CACNA2D3: variants seen among roughly 807,000 people sequenced by gnomAD.
CACNA2D3 encodes the protein calcium voltage-gated channel auxiliary subunit alpha2delta 3.
In CACNA2D3, 60 loss-of-function variants were observed where a neutral mutation model predicts 160.6. That is an observed-to-expected ratio of 0.37 (90% CI 0.30 to 0.46). The LOEUF is 0.46. CACNA2D3 is among the 20% of genes least tolerant of loss of function. The probability of loss-of-function intolerance (pLI) is 1.00; values close to 1 mark genes in which losing one functional copy is unlikely to be tolerated. For missense variants in CACNA2D3, 1,205 were observed against 1,365.0 expected (o/e 0.88, Z 1.85); for synonymous variants, 558 against 492.9 (o/e 1.13, Z -1.75).
At chr3:54,852,313 C>T (rs139576222) in intron 17 of CACNA2D3, among the ~76,000 whole-genome samples, 185 of 152,340 alleles carry the variant, frequency 1.2e-3, no homozygotes, top group Middle Eastern at 6.8e-3. Context: ...TCTAGACTTC[C>T]GCAGACAAAC....
At chr3:54,346,604 C>T (rs2107529474) in intron 3 of CACNA2D3, among the ~76,000 whole-genome samples, 1 of 152,244 alleles carries the variant, frequency 6.6e-6, no homozygotes, top group South Asian at 2.1e-4. Flanking sequence ...TTACCTCCTT[C>T]CTGCCCCCTC....
At chr3:54,622,588 T>G (rs1699013227) in intron 9 of CACNA2D3, among the ~76,000 whole-genome samples, 1 of 148,350 alleles carries the variant, frequency 6.7e-6, no homozygotes, top group Admixed American at 6.6e-5. Flanking sequence ...TTTTGGTTTT[T>G]TTTTTTTTTA....
Position 54,888,152 on chromosome 3 carries a change from G to T in CACNA2D3, c.2150+100G>T, listed in dbSNP as rs767568667. ...AACTAAACTGTTTTAGGAACCTGGTGTTAAAGTTCTTTAATTTTCCCCCAA... is the reference window on the plus strand; with the variant it reads ...AACTAAACTGTTTTAGGAACCTGGTTTTAAAGTTCTTTAATTTTCCCCCAA... On this transcript the variant is annotated intron_variant, in intron 24 of 37. Transcript: ENST00000474759. 14 of 946,076 alleles carry T rather than the reference G, an allele frequency of 1.5e-5. No individual in the cohort carries two copies. The East Asian group carries it at 2.7e-4, about 18-fold the overall frequency. 58.6% of individuals were successfully genotyped at this position (946,076 alleles called of 1,614,324 possible).
At chr3:54,273,328 A>G (rs1400746648) in intron 2 of CACNA2D3, among the ~76,000 whole-genome samples, 4 of 151,962 alleles carry the variant, frequency 2.6e-5, no homozygotes, top group East Asian at 1.9e-4. Flanking sequence ...GGGAAAATAT[A>G]TATTTTTTTC....
At chr3:54,141,099 G>GCGCGCGCACGTGCGCA (rs1553731398) in intron 2 of CACNA2D3, among the ~76,000 whole-genome samples, 12 of 121,218 alleles carry the variant, frequency 9.9e-5, no homozygotes, top group South Asian at 4.8e-4. Flanking sequence ...GCGCGCGCGC[G>GCGCGCGCACGTGCGCA]TGTGTGCATG....
At position 54,628,784 on chromosome 3, in the gene CACNA2D3, G is replaced by C. The variant is rs183887813; in HGVS notation, c.1053+908G>C. 2.0e-5 allele frequency among the ~76,000 whole-genome samples: 3 copies of C among 152,248 alleles called. No homozygotes were observed. In the South Asian group the frequency reaches 6.2e-4, roughly 32 times the overall value. On this transcript the variant is annotated intron_variant, in intron 10 of 37. Coordinates refer to ENST00000474759, the MANE Select transcript of CACNA2D3 (RefSeq NM_018398.3). ...ATCCACAGATTAGCATCAGCAGGAG[G>C]CATCTCCTCTCTAGGGCAGGGGGTA...
chr3:54,932,081 C>T (rs1575386693), intron 27 of CACNA2D3, among the ~76,000 whole-genome samples: 1 of 152,008 alleles, frequency 6.6e-6, no homozygotes, highest in East Asian at 1.9e-4. Context: ...ACTCGGGAGG[C>T]TGAGGTAGGA....
At chr3:54,977,858 A>G (rs536100780) in intron 29 of CACNA2D3, among the ~76,000 whole-genome samples, 1 of 152,226 alleles carries the variant, frequency 6.6e-6, no homozygotes, top group African/African-American at 2.4e-5. Flanking sequence ...ACATAAAGCA[A>G]TAAAAGAATG....
chr3:54,153,492 C>A (rs75586874), intron 2 of CACNA2D3, among the ~76,000 whole-genome samples: 2,825 of 152,230 alleles, frequency 0.019, 43 homozygotes, highest in Non-Finnish European at 0.029. Flanking sequence ...TGTTAGGCAC[C>A]GTGCTCATGT....
At chr3:54,403,522 A>G (rs1432869238) in intron 4 of CACNA2D3, among the ~76,000 whole-genome samples, 1 of 152,210 alleles carries the variant, frequency 6.6e-6, no homozygotes, top group East Asian at 1.9e-4. Flanking sequence ...ACATTAAAAA[A>G]TAAGAAATAT....
At chr3:54,746,223 T>A (rs1197418922) in intron 11 of CACNA2D3, among the ~76,000 whole-genome samples, 5 of 152,226 alleles carry the variant, frequency 3.3e-5, no homozygotes, top group Admixed American at 6.5e-5. Flanking sequence ...GTTCCAACCC[T>A]TATCTTCTGC....
At chr3:54,939,306 C>T (rs75597383) in intron 27 of CACNA2D3, among the ~76,000 whole-genome samples, 2,051 of 152,328 alleles carry the variant, frequency 0.013, 45 homozygotes, top group African/African-American at 0.046. Flanking sequence ...ATGAGACTGA[C>T]TCACTTGCCT....
intron 4 of CACNA2D3, among the ~76,000 whole-genome samples, chr3:54,410,069 G>A (rs1463725819): frequency 6.6e-6 from 1 of 152,162 alleles, no homozygotes; most frequent in Non-Finnish European, 1.5e-5. Flanking sequence ...AGGAGAAGTC[G>A]GCTGGGTGTG....
intron 16 of CACNA2D3, among the ~76,000 whole-genome samples, chr3:54,842,084 A>G (rs1368642589): frequency 6.6e-6 from 1 of 152,246 alleles, no homozygotes; most frequent in Non-Finnish European, 1.5e-5. Flanking sequence ...TTCGTCATAT[A>G]AGCTTTTAAT....
chr3:54,338,271 A>C (rs987820519), intron 3 of CACNA2D3, among the ~76,000 whole-genome samples: 2 of 152,184 alleles, frequency 1.3e-5, no homozygotes, highest in African/African-American at 4.8e-5. Context: ...AAAACACCAT[A>C]ACTTGTTTAC....
chr3:54,869,655 A>G (rs1348553595), intron 17 of CACNA2D3, among the ~76,000 whole-genome samples: 1 of 152,160 alleles, frequency 6.6e-6, no homozygotes, highest in Non-Finnish European at 1.5e-5. Context: ...AATGGTTCTT[A>G]GGTAACAGAG....
At chr3:54,978,656 T>C (rs1020550582) in intron 29 of CACNA2D3, among the ~76,000 whole-genome samples, 4 of 152,250 alleles carry the variant, frequency 2.6e-5, no homozygotes, top group African/African-American at 9.6e-5. Context: ...TTCCATGAAC[T>C]GGGCAACTAT....
chr3:54,829,156 C>G (rs1703813334), intron 14 of CACNA2D3, among the ~76,000 whole-genome samples: 2 of 152,128 alleles, frequency 1.3e-5, no homozygotes, highest in African/African-American at 4.8e-5. Flanking sequence ...TACTGTGGTC[C>G]CTTTCCAGGC....
intron 2 of CACNA2D3, among the ~76,000 whole-genome samples, chr3:54,175,974 A>G (rs1700671156): frequency 6.6e-6 from 1 of 152,194 alleles, no homozygotes; most frequent in African/African-American, 2.4e-5. Context: ...TTCCTGAGAT[A>G]TGGGTTCAGT....
Sources: allele counts gnomAD v4.1 joint callset (sites outside exome capture counted in the v4.1 genomes callset), GRCh38; gene constraint gnomAD v4.1.1; transcripts MANE v1.5; gene names NCBI Gene and HGNC (gene_info 2026-07-23, HGNC 2026-07-21).